The following CHEK2 variants were observed in gnomAD, a reference collection of about 807,000 sequenced individuals.
The protein encoded by CHEK2 is checkpoint kinase 2, also known as serine/threonine-protein kinase Chk2.
In CHEK2, 71 loss-of-function variants were observed where a neutral mutation model predicts 69.1. That is an observed-to-expected ratio of 1.03 (90% CI 0.85 to 1.25). CHEK2 has a LOEUF of 1.25. CHEK2 is among the 50% of genes most tolerant of loss of function. CHEK2 has a pLI of 0.00. For synonymous variants in CHEK2, 189 were observed against 226.9 expected, an observed-to-expected ratio of 0.83 and a Z score of 1.50; for missense variants, 664 against 649.6, an observed-to-expected ratio of 1.02 and a Z score of -0.24.
At chr22:28,724,412 A>C (rs17882607) in intron 4 of CHEK2, among the ~76,000 whole-genome samples, 12,944 of 152,230 alleles carry the variant, frequency 0.085, 628 homozygotes, top group South Asian at 0.11. Context: ...CCGTCTAAAA[A>C]AAAACAAAAC....
intron 6 of CHEK2, among the ~76,000 whole-genome samples, chr22:28,711,080 C>CCAGAAA (rs1373288547): frequency 6.6e-6 from 1 of 152,060 alleles, no homozygotes; most frequent in Non-Finnish European, 1.5e-5. Flanking sequence ...AGTATAATAG[C>CCAGAAA]CAGAAACAGC....
intron 9 of CHEK2, 83 bp downstream of exon 9, chr22:28,699,755 C>T (rs941646469): frequency 9.3e-6 from 9 of 963,960 alleles, no homozygotes; most frequent in Middle Eastern, 2.1e-4. Flanking sequence ...TTTTAATCCA[C>T]GGTCCCTCGA....
intron 4 of CHEK2, among the ~76,000 whole-genome samples, chr22:28,723,148 T>C (rs2053858746): frequency 6.6e-6 from 1 of 152,202 alleles, no homozygotes; most frequent in Admixed American, 6.5e-5. Flanking sequence ...TAGATGTTAT[T>C]TTCATAGTTT....
At chr22:28,724,128 G>A (rs747059858) in intron 4 of CHEK2, among the ~76,000 whole-genome samples, 6 of 151,890 alleles carry the variant, frequency 4.0e-5, no homozygotes, top group Non-Finnish European at 7.4e-5. Context: ...ACAGTATATG[G>A]GCCAGGCGGG....
intron 5 of CHEK2, among the ~76,000 whole-genome samples, chr22:28,715,808 G>T (rs2053566899): frequency 6.6e-6 from 1 of 151,790 alleles, no homozygotes; most frequent in South Asian, 2.1e-4. Flanking sequence ...ACAAGTTAGA[G>T]AATTCATATT....
At position 28,687,956 on chromosome 22, in the gene CHEK2, C is replaced by G. The variant is rs780512032; in HGVS notation, c.1573G>C (p.Gly525Arg). 3.8e-6 allele frequency: 6 copies of G among 1,596,408 alleles called. No individual in the cohort carries two copies. The South Asian group carries it at 6.6e-5, about 18-fold the overall frequency. ...PSTSRKRPRE[G>R]EAEGAETTKR... Reference sequence around the variant, plus strand: ...GTGGTCTCGGCACCCTCGGCTTCCCCTTCACGGGGCCGCTTTCGACTAGTA... The same window carrying G: ...GTGGTCTCGGCACCCTCGGCTTCCCGTTCACGGGGCCGCTTTCGACTAGTA... The change falls in exon 15 of 15, where the codon GGG becomes CGG. Residue 525 changes from glycine (G) to arginine (R), a missense_variant. Transcript: ENST00000404276.
rs2146151628 is a variant in CHEK2, at chr22:28,734,611, G to A, written c.111C>T (p.Gly37=). ...TCGTGCTGGTAGAGGAGCTGGATATGCCCTGGGACTGTGAGGAGGAGCCTT... is the reference window on the plus strand; with the variant it reads ...TCGTGCTGGTAGAGGAGCTGGATATACCCTGGGACTGTGAGGAGGAGCCTT... ...QSQGSSSQSQ[G]ISSSSTSTMP... Residue 37 remains glycine, a synonymous_variant, in exon 2 of 15, where the codon GGC becomes GGT. Transcript: ENST00000404276. 6.2e-7 allele frequency: 1 copy of A among 1,613,996 alleles called. No homozygotes were observed.
At chr22:28,716,847 G>C (rs958070357) in intron 5 of CHEK2, among the ~76,000 whole-genome samples, 13 of 152,162 alleles carry the variant, frequency 8.5e-5, no homozygotes, top group Non-Finnish European at 1.8e-4. Context: ...CATCCACAAA[G>C]CCACAACTAT....
At chr22:28,739,289 G>A (rs2054497300) in intron 1 of CHEK2, among the ~76,000 whole-genome samples, 1 of 151,950 alleles carries the variant, frequency 6.6e-6, no homozygotes, top group Admixed American at 6.6e-5. Context: ...AAAAAGAAAT[G>A]GGCAAAAGAT....
rs549755590 is a variant in CHEK2, at chr22:28,695,237, C to G, written c.1265G>C (p.Ser422Thr). ...ATGCTCAGAGAAAGGTGGATACCCA[C>G]TAAGGCTTAATATTGGTAGAGAGAG... is the stretch of plus-strand genomic sequence containing the variant. ...SLGVILFICL[S>T]GYPPFSEHRT... Residue 422 changes from serine (S) to threonine (T), a missense_variant, in exon 12 of 15, where the codon AGT becomes ACT. Transcript: ENST00000404276. 7.6e-6 allele frequency: 12 copies of G among 1,575,974 alleles called. No homozygotes were observed. The East Asian group carries it at 2.7e-4, about 35-fold the overall frequency.
intron 4 of CHEK2, 86 bp downstream of exon 4, chr22:28,724,891 C>T: frequency 7.1e-7 from 1 of 1,406,740 alleles, no homozygotes; most frequent in Non-Finnish European, 1.0e-6. Flanking sequence ...CTCACTTAAA[C>T]CATATTCTGT....
At chr22:28,695,096 C>A (rs747239326) in intron 12 of CHEK2, 31 bp downstream of exon 12, 2 of 1,380,544 alleles carry the variant, frequency 1.4e-6, no homozygotes, top group South Asian at 2.3e-5. Context: ...TTTTAGCATA[C>A]CACAAATTCT....
chr22:28,711,041 A>G (rs1051205897), intron 6 of CHEK2, among the ~76,000 whole-genome samples: 2 of 152,012 alleles, frequency 1.3e-5, no homozygotes, highest in African/African-American at 2.4e-5. Context: ...GTCTAGGGGG[A>G]AAAAAAATTG....
chr22:28,698,599 C>T (rs1334403566), intron 9 of CHEK2, among the ~76,000 whole-genome samples: 1 of 152,140 alleles, frequency 6.6e-6, no homozygotes, highest in Admixed American at 6.6e-5. Flanking sequence ...ACAAGGATTG[C>T]TCCCAATCAC....
At chr22:28,726,786 C>CATAAAATCTAGTAGGCCATAAAAT (rs2054027311) in intron 2 of CHEK2, among the ~76,000 whole-genome samples, 2 of 142,622 alleles carry the variant, frequency 1.4e-5, no homozygotes, top group Admixed American at 7.5e-5. Context: ...CTGCACTCTT[C>CATAAAATCTAGTAGGCCATAAAAT]CTCATGGCCT....
At chr22:28,709,930 T>C in intron 7 of CHEK2, 76 bp downstream of exon 7, 1 of 901,436 alleles carries the variant, frequency 1.1e-6, no homozygotes, top group East Asian at 2.6e-5. Flanking sequence ...TTATCTTTAT[T>C]ATACTGAAAG....
At chr22:28,696,356 C>G (rs1481969887) in intron 10 of CHEK2, among the ~76,000 whole-genome samples, 1 of 152,084 alleles carries the variant, frequency 6.6e-6, no homozygotes, top group Admixed American at 6.6e-5. Flanking sequence ...GGAAAGGCAG[C>G]GCATGTGATT....
chr22:28,696,852 T>C (rs1210424726), intron 10 of CHEK2, 49 bp downstream of exon 10: 1 of 1,253,846 alleles, frequency 8.0e-7, no homozygotes, highest in Non-Finnish European at 1.2e-6. Flanking sequence ...TAAAAGTTTC[T>C]GAACAAGAAT....
At chr22:28,741,092 G>C (rs1485165150) in intron 1 of CHEK2, among the ~76,000 whole-genome samples, 1 of 144,916 alleles carries the variant, frequency 6.9e-6, no homozygotes, top group Non-Finnish European at 1.5e-5. Flanking sequence ...AGAAGTTGCA[G>C]TGAGCCCAGA....
Sources: gnomAD v4.1 joint callset for allele counts (sites outside exome capture counted in the v4.1 genomes callset) on GRCh38, gnomAD v4.1.1 for gene constraint, MANE v1.5 for transcripts, NCBI Gene and HGNC (gene_info 2026-07-23, HGNC 2026-07-21) for gene names.